RFX4: variants seen among roughly 807,000 people sequenced by gnomAD.
The protein encoded by RFX4 is transcription factor RFX4.
RFX4 carries 10 observed loss-of-function variants against 95.0 expected under a neutral mutation model. The observed-to-expected ratio is 0.11, with a 90% CI of 0.06 to 0.18. The LOEUF (loss-of-function observed/expected upper bound fraction) is 0.18, where lower values mean the gene tolerates loss of function less well. RFX4 is among the 10% of genes least tolerant of loss of function. The pLI, the probability that RFX4 is intolerant of heterozygous loss-of-function variation, is 1.00. For synonymous variants in RFX4, 321 were observed against 340.7 expected (o/e 0.94, Z 0.64); for missense variants, 640 against 922.0 (o/e 0.69, Z 3.96).
chr12:106,705,311 G>T (rs1435983049), intron 8 of RFX4, among the ~76,000 whole-genome samples: 2 of 152,212 alleles, frequency 1.3e-5, no homozygotes. Context: ...TACGAGTGTG[G>T]AGTTAAGATG....
At chr12:106,615,628 T>G (rs74805410) in intron 2 of RFX4, among the ~76,000 whole-genome samples, 2,583 of 152,318 alleles carry the variant, frequency 0.017, 41 homozygotes, top group Non-Finnish European at 0.028. Flanking sequence ...AGAGCCTCCA[T>G]GTATTTGGAT....
chr12:106,644,419 G>T (rs1215708173), intron 3 of RFX4, among the ~76,000 whole-genome samples: 1 of 152,026 alleles, frequency 6.6e-6, no homozygotes, highest in African/African-American at 2.4e-5. Context: ...TTTTGGTAGA[G>T]ATGGGGTTTT....
intron 1 of RFX4, among the ~76,000 whole-genome samples, chr12:106,583,906 C>T (rs1395128861): frequency 6.6e-6 from 1 of 152,198 alleles, no homozygotes; most frequent in Admixed American, 6.5e-5. Context: ...CGGCGGCGAA[C>T]CCGGTGGTCC....
chr12:106,693,045 C>G (rs753954016), intron 7 of RFX4: 4 of 388,404 alleles, frequency 1.0e-5, no homozygotes, highest in Non-Finnish European at 2.1e-5. Flanking sequence ...CTTTGATTCT[C>G]TCCTTTCCCT....
chr12:106,620,450 G>A (rs772696182), intron 2 of RFX4, among the ~76,000 whole-genome samples: 39 of 152,062 alleles, frequency 2.6e-4, no homozygotes, highest in Non-Finnish European at 5.4e-4. Context: ...AAAAGGGGAG[G>A]GGATATAAGA....
intron 13 of RFX4, among the ~76,000 whole-genome samples, chr12:106,731,636 T>C (rs1167767877): frequency 1.3e-5 from 2 of 152,250 alleles, no homozygotes; most frequent in East Asian, 1.9e-4. Flanking sequence ...AATTTTCAAA[T>C]TGGCTCCTAG....
chr12:106,747,926 T>C (rs1325787484), intron 16 of RFX4, among the ~76,000 whole-genome samples: 2 of 111,486 alleles, frequency 1.8e-5, no homozygotes, highest in African/African-American at 6.3e-5. Flanking sequence ...AGACGCCGTC[T>C]TAAAAAAAAA....
chr12:106,757,160 A>G (rs970444483), intron 17 of RFX4, among the ~76,000 whole-genome samples: 4 of 152,216 alleles, frequency 2.6e-5, no homozygotes, highest in African/African-American at 4.8e-5. Context: ...AACATTAATA[A>G]CAGCTAACAC....
At chr12:106,624,174 A>G (rs1177001552) in intron 2 of RFX4, among the ~76,000 whole-genome samples, 4 of 152,214 alleles carry the variant, frequency 2.6e-5, no homozygotes, top group Non-Finnish European at 5.9e-5. Flanking sequence ...GGTTTTGTCC[A>G]GAACTCTATC....
At chr12:106,700,568 G>A (rs1018450143) in intron 8 of RFX4, among the ~76,000 whole-genome samples, 5 of 151,232 alleles carry the variant, frequency 3.3e-5, no homozygotes, top group South Asian at 2.1e-4. Flanking sequence ...TACCACGCCC[G>A]GCTAATTTTT....
chr12:106,590,350 T>A (rs982203149), intron 1 of RFX4, among the ~76,000 whole-genome samples: 3 of 152,276 alleles, frequency 2.0e-5, no homozygotes, highest in Non-Finnish European at 4.4e-5. Flanking sequence ...GTACATTATC[T>A]GTGTAATGCT....
intron 4 of RFX4, among the ~76,000 whole-genome samples, chr12:106,669,028 T>A (rs1024164908): frequency 6.6e-6 from 1 of 152,236 alleles, no homozygotes; most frequent in Non-Finnish European, 1.5e-5. Context: ...CTTATTTAAG[T>A]CTGTAAAAAT....
At chr12:106,654,430 G>C in intron 4 of RFX4, 79 bp downstream of exon 4, 1 of 1,489,546 alleles carries the variant, frequency 6.7e-7, no homozygotes, top group South Asian at 1.4e-5. Context: ...AAGCATTTTA[G>C]TTATTTTTTT....
At chr12:106,621,733 C>T (rs2040189603) in intron 2 of RFX4, among the ~76,000 whole-genome samples, 1 of 152,214 alleles carries the variant, frequency 6.6e-6, no homozygotes, top group Non-Finnish European at 1.5e-5. Flanking sequence ...CATCCCCAAA[C>T]TCTCCTTAGC....
chr12:106,709,221 C>G (rs2042147759), intron 8 of RFX4, 109 bp from the exon 9 acceptor site: 8 of 816,302 alleles, frequency 9.8e-6, no homozygotes, highest in Non-Finnish European at 1.4e-5. Context: ...CAAATGGCAC[C>G]TATTGGTAGC....
chr12:106,716,221 C>T (rs902976139), intron 11 of RFX4, among the ~76,000 whole-genome samples: 3 of 152,102 alleles, frequency 2.0e-5, no homozygotes, highest in Non-Finnish European at 4.4e-5. Flanking sequence ...ATCCCCCCAG[C>T]CCAATAACCC....
chr12:106,621,806 C>T (rs992696989), intron 2 of RFX4, among the ~76,000 whole-genome samples: 8 of 148,850 alleles, frequency 5.4e-5, no homozygotes, highest in Admixed American at 6.8e-5. Flanking sequence ...AAAGATCTTT[C>T]GGGAAAGATC....
At chr12:106,733,382 C>T (rs2042650361) in intron 15 of RFX4, 1 of 272,080 alleles carries the variant, frequency 3.7e-6, no homozygotes, top group South Asian at 8.0e-5. Context: ...AAAGATAATG[C>T]CAAAACCTGG....
At chr12:106,732,076 G>A (rs754120705) in intron 13 of RFX4, 54 bp from the exon 14 acceptor site, 22 of 1,599,068 alleles carry the variant, frequency 1.4e-5, no homozygotes, top group Non-Finnish European at 1.9e-5. Flanking sequence ...CAGACAGAGG[G>A]GGCATACACG....
Sources: allele counts gnomAD v4.1 joint callset (sites outside exome capture counted in the v4.1 genomes callset), GRCh38; gene constraint gnomAD v4.1.1; transcripts MANE v1.5; gene names NCBI Gene and HGNC (gene_info 2026-07-23, HGNC 2026-07-21).